The following DPYSL5 variants were observed in gnomAD, a reference collection of about 807,000 sequenced individuals.
DPYSL5 encodes the protein dihydropyrimidinase-related protein 5.
Under a neutral mutation model 58.4 loss-of-function variants are expected in DPYSL5, and 9 were observed. That is an observed-to-expected ratio of 0.15 (90% confidence interval 0.09 to 0.27). DPYSL5 has a LOEUF of 0.27. DPYSL5 is among the 10% of genes least tolerant of loss of function. The pLI, the probability that DPYSL5 is intolerant of heterozygous loss-of-function variation, is 1.00. For synonymous variants in DPYSL5, 293 were observed against 301.9 expected, an observed-to-expected ratio of 0.97 and a Z score of 0.31; for missense variants, 499 against 770.6, an observed-to-expected ratio of 0.65 and a Z score of 4.17.
intron 2 of DPYSL5, among the ~76,000 whole-genome samples, chr2:26,921,404 T>C (rs1446753979): frequency 6.6e-6 from 1 of 151,820 alleles, no homozygotes; most frequent in African/African-American, 2.4e-5. Flanking sequence ...CCATTTTTTG[T>C]GTAAAAAGTC....
chr2:26,876,213 G>T (rs902296156), intron 1 of DPYSL5, among the ~76,000 whole-genome samples: 1 of 152,192 alleles, frequency 6.6e-6, no homozygotes, highest in Non-Finnish European at 1.5e-5. Context: ...CATTTGAGAA[G>T]ATGCTGCCTT....
At chr2:26,882,429 C>CTGTGTGTG (rs145178218) in intron 1 of DPYSL5, among the ~76,000 whole-genome samples, 140 of 146,302 alleles carry the variant, frequency 9.6e-4, no homozygotes, top group East Asian at 3.3e-3. Flanking sequence ...GTGTGTGTGT[C>CTGTGTGTG]TGTGTGTGTG....
At chr2:26,935,281 A>G (rs1665143135) in intron 8 of DPYSL5, among the ~76,000 whole-genome samples, 1 of 152,000 alleles carries the variant, frequency 6.6e-6, no homozygotes, top group Non-Finnish European at 1.5e-5. Context: ...TCCCCATGCA[A>G]TCCCAATCTA....
rs1198884829 is a variant in DPYSL5 at position 26,924,719 on chromosome 2, C to A, written c.262-168C>A. On this transcript the variant is annotated intron_variant, in intron 2 of 12. Transcript: ENST00000288699. The surrounding 1 kb of genome is among the most constrained non-coding windows in gnomAD (Gnocchi z 4.7). ...GATGAAGGTCGCGCTGGCTCTCGCA[C>A]CTCCACATGGCTCTTTACAGTTTCC... is the stretch of plus-strand genomic sequence containing the variant. Among the ~76,000 whole-genome samples, 1 of 152,172 alleles carries A rather than the reference C, an allele frequency of 6.6e-6. No homozygotes were observed. Among genetic ancestry groups the A allele is most frequent in the Admixed American group, 6.5e-5 (1 of 15,272 alleles).
At chr2:26,854,090 CA>C (rs1303324865) in intron 1 of DPYSL5, among the ~76,000 whole-genome samples, 9 of 152,012 alleles carry the variant, frequency 5.9e-5, no homozygotes, top group Middle Eastern at 6.3e-3. Flanking sequence ...ACCACATCTA[CA>C]AAATACCTTC....
Position 26,924,851 on chromosome 2 carries a change from G to A in DPYSL5, c.262-36G>A. On this transcript the variant is annotated intron_variant, in intron 2 of 12. Transcript: ENST00000288699. This position sits in a 1 kb window ranked among gnomAD's most constrained non-coding sequence, Gnocchi z 4.7. ...CACATCATTGACTCGGGGGCAGGCA[G>A]GGCTGTGACGAGACTGCCTTTTCCC... The A allele has an allele frequency of 5.0e-6, 8 of 1,602,560 alleles. No individual in the cohort carries two copies. The highest frequency in any genetic ancestry group is 6.8e-6 in the Non-Finnish European group (8 of 1,174,036).
chr2:26,879,872 C>T (rs1663511947), intron 1 of DPYSL5, among the ~76,000 whole-genome samples: 1 of 152,198 alleles, frequency 6.6e-6, no homozygotes. Context: ...GCTCTGCTCA[C>T]CTATGCTGCC....
chr2:26,928,957 G>A (rs750386462), intron 5 of DPYSL5, among the ~76,000 whole-genome samples: 7 of 151,738 alleles, frequency 4.6e-5, no homozygotes, highest in Non-Finnish European at 1.0e-4. Context: ...GCCTTTGGGG[G>A]ATGACATTCC....
At chr2:26,938,639 G>A (rs1665241614) in intron 8 of DPYSL5, 2 of 152,252 alleles carry the variant, frequency 1.3e-5, no homozygotes. Flanking sequence ...GCCCTATGGA[G>A]CTAACTGGCC....
chr2:26,939,947 G>A (rs1158381282), intron 8 of DPYSL5, 84 bp from the exon 9 acceptor site: 21 of 1,563,946 alleles, frequency 1.3e-5, no homozygotes, highest in Non-Finnish European at 1.7e-5. Context: ...CTTCCCACAC[G>A]GAGGATTTTC....
At chr2:26,928,974 C>CA in intron 5 of DPYSL5, among the ~76,000 whole-genome samples, 1 of 151,286 alleles carries the variant, frequency 6.6e-6, no homozygotes, top group East Asian at 2.0e-4. Context: ...TTCCTTTGAG[C>CA]ATCTGAGGAA....
chr2:26,918,456 A>C (rs1326869793), intron 2 of DPYSL5, among the ~76,000 whole-genome samples: 1 of 144,922 alleles, frequency 6.9e-6, no homozygotes, highest in African/African-American at 2.6e-5. Context: ...CAATAGAGAA[A>C]CTACCGAGCT....
At chr2:26,896,395 T>C (rs1163700828) in intron 1 of DPYSL5, among the ~76,000 whole-genome samples, 4 of 152,266 alleles carry the variant, frequency 2.6e-5, no homozygotes, top group Non-Finnish European at 5.9e-5. Flanking sequence ...CCCTTGGATA[T>C]ATACCCAGTA....
In DPYSL5 at chr2:26,939,906, G is replaced by T. The variant is rs1337466696; in HGVS notation, c.948-125G>T. ...CACGACAGACCACATGGCCTAAGCG[G>T]CAGAGCTGAAATTGGAGTCGGCTTT... On this transcript the variant is annotated intron_variant, in intron 8 of 12. Coordinates refer to ENST00000288699, the MANE Select transcript of DPYSL5 (RefSeq NM_020134.4). 9 of 1,302,482 alleles carry T rather than the reference G, an allele frequency of 6.9e-6. No homozygotes were observed. The Admixed American group carries it at 1.7e-4, about 25-fold the overall frequency. 80.7% of individuals were successfully genotyped at this position (1,302,482 alleles called of 1,614,324 possible).
chr2:26,912,521 G>A (rs910991842), intron 2 of DPYSL5, among the ~76,000 whole-genome samples: 4 of 152,140 alleles, frequency 2.6e-5, no homozygotes, highest in African/African-American at 9.7e-5. Flanking sequence ...GGGTTAGAAG[G>A]GGTTTTGCTA....
At chr2:26,931,212 TATATATATATATATATA>T (rs2148164466) in intron 5 of DPYSL5, among the ~76,000 whole-genome samples, 2 of 112,974 alleles carry the variant, frequency 1.8e-5, no homozygotes, top group South Asian at 6.1e-4. Flanking sequence ...TGTATATATA[TATATATATATATATATA>T]TGAATTATAC....
chr2:26,851,645 G>A (rs1665758236), intron 1 of DPYSL5, among the ~76,000 whole-genome samples: 1 of 152,042 alleles, frequency 6.6e-6, no homozygotes, highest in African/African-American at 2.4e-5. Context: ...AGGTCTCTGG[G>A]GTAAAAGTAA....
Position 26,940,063 on chromosome 2 carries a change from G to A in DPYSL5, c.980G>A (p.Arg327Gln), listed in dbSNP as rs771609419. 57 of 1,614,052 alleles carry A rather than the reference G, an allele frequency of 3.5e-5. No homozygotes were observed. The highest frequency in any genetic ancestry group is 4.5e-5 in the Non-Finnish European group (53 of 1,180,020). ...DTLNIVASDH[R>Q]PFTTKQKAMG... ...CTGAACATCGTGGCATCAGATCACC[G>A]GCCTTTCACCACAAAGCAGAAAGCT... The change falls in exon 9 of 13, where the codon CGG becomes CAG. Residue 327 changes from arginine to glutamine, a missense_variant. Around this residue, in one of 3 missense-constraint regions of DPYSL5, gnomAD observed 404 missense variants for 647.6 expected, o/e 0.62. Coordinates refer to ENST00000288699, the MANE Select transcript of DPYSL5 (RefSeq NM_020134.4).
intron 8 of DPYSL5, among the ~76,000 whole-genome samples, chr2:26,936,945 TA>T (rs55795892): frequency 3.1e-4 from 24 of 77,886 alleles, no homozygotes; most frequent in African/African-American, 6.0e-4. Context: ...AGACTTCATT[TA>T]AAAAAAAAAA....
Sources: gnomAD v4.1 joint callset for allele counts (sites outside exome capture counted in the v4.1 genomes callset) on GRCh38, gnomAD v4.1.1 for gene constraint, gnomAD v4.1.1 regional missense constraint, Gnocchi (gnomAD v3.1) non-coding constraint, MANE v1.5 for transcripts, NCBI Gene and HGNC (gene_info 2026-07-23, HGNC 2026-07-21) for gene names.